Variants in PTPRN2 observed in about 807,000 individuals in gnomAD.
PTPRN2 encodes the protein protein tyrosine phosphatase receptor type N2.
PTPRN2 carries 74 observed loss-of-function variants against 118.8 expected under a neutral mutation model. The observed-to-expected ratio is 0.62, with a 90% CI of 0.52 to 0.76. The LOEUF is 0.76. Ranked by LOEUF, PTPRN2 falls within the 30% of genes least tolerant of loss-of-function variation. The probability of loss-of-function intolerance (pLI) is 0.00; values close to 1 mark genes in which losing one functional copy is unlikely to be tolerated. For synonymous variants in PTPRN2, 641 were observed against 608.0 expected (o/e 1.05, Z -0.80); for missense variants, 1,481 against 1,394.4 (o/e 1.06, Z -0.99).
chr7:158,341,235 C>A (rs1238579975), intron 2 of PTPRN2, among the ~76,000 whole-genome samples: 150 of 151,022 alleles, frequency 9.9e-4, no homozygotes, highest in African/African-American at 3.3e-3. Context: ...CACACTCTCA[C>A]CATAATTGGT....
rs147329222 is a variant in PTPRN2 at position 157,978,283 on chromosome 7, C to T, written c.1724-79546G>A. On this transcript the variant is annotated intron_variant, in intron 11 of 22. Transcript: ENST00000389418. Reference sequence around the variant, plus strand: ...TCCCGTGTGGTGCTGCCGCCATCTCCGCCGTCAGGAGTGGCTTTGCAAAGA... The same window carrying T: ...TCCCGTGTGGTGCTGCCGCCATCTCTGCCGTCAGGAGTGGCTTTGCAAAGA... Among the ~76,000 whole-genome samples the T allele has an allele frequency of 1.5e-3, 228 of 152,096 alleles. 1 individual carries two copies. Among genetic ancestry groups the T allele is most frequent in the African/African-American group, 5.0e-3 (209 of 41,554 alleles).
intron 10 of PTPRN2, among the ~76,000 whole-genome samples, chr7:158,082,191 G>A (rs574450910): frequency 1.3e-5 from 2 of 152,306 alleles, no homozygotes; most frequent in Admixed American, 1.3e-4. Flanking sequence ...AGCTAAGACT[G>A]TTGCTTCCTG....
intron 12 of PTPRN2, among the ~76,000 whole-genome samples, chr7:157,851,374 T>C (rs1809262456): frequency 6.6e-6 from 1 of 151,250 alleles, no homozygotes; most frequent in Non-Finnish European, 1.5e-5. Context: ...TGAATAAAAA[T>C]GCGCTTTCTT....
chr7:158,195,029 G>A (rs1182353319), intron 4 of PTPRN2, among the ~76,000 whole-genome samples: 2 of 152,144 alleles, frequency 1.3e-5, no homozygotes, highest in Non-Finnish European at 2.9e-5. Flanking sequence ...ACCATCTATC[G>A]GTGGATGCAG....
At chr7:158,340,384 C>A (rs1338370450) in intron 2 of PTPRN2, among the ~76,000 whole-genome samples, 2 of 93,600 alleles carry the variant, frequency 2.1e-5, no homozygotes, top group Non-Finnish European at 4.6e-5. Flanking sequence ...CACCCATACT[C>A]TCACCATAAG....
intron 12 of PTPRN2, among the ~76,000 whole-genome samples, chr7:157,871,812 C>CA: frequency 6.6e-6 from 1 of 151,344 alleles, no homozygotes; most frequent in East Asian, 2.0e-4. Flanking sequence ...CACACACCCA[C>CA]AAAAATGCAC....
chr7:157,720,498 G>C (rs982867641), intron 12 of PTPRN2, among the ~76,000 whole-genome samples: 1 of 152,240 alleles, frequency 6.6e-6, no homozygotes, highest in South Asian at 2.1e-4. Flanking sequence ...CTGCACAGCC[G>C]GGTGATCCAG....
chr7:157,730,286 G>A (rs374451484), intron 12 of PTPRN2, among the ~76,000 whole-genome samples: 7 of 152,230 alleles, frequency 4.6e-5, no homozygotes, highest in Admixed American at 6.5e-5. Flanking sequence ...TTTAAGGCTC[G>A]TCTTCTACGC....
chr7:158,553,443 T>A (rs1826791143), intron 1 of PTPRN2, among the ~76,000 whole-genome samples: 1 of 151,540 alleles, frequency 6.6e-6, no homozygotes, highest in Non-Finnish European at 1.5e-5. Context: ...CCACCCTCCT[T>A]GTCTACACAC....
At chr7:157,761,793 C>G (rs6459810) in intron 12 of PTPRN2, among the ~76,000 whole-genome samples, 1 of 149,156 alleles carries the variant, frequency 6.7e-6, no homozygotes, top group Non-Finnish European at 1.5e-5. Context: ...CAAAAGAAAC[C>G]GCCATCAGAG....
chr7:158,271,470 C>A (rs1798511700), intron 3 of PTPRN2, among the ~76,000 whole-genome samples: 1 of 152,214 alleles, frequency 6.6e-6, no homozygotes, highest in South Asian at 2.1e-4. Context: ...TCATCAGGGT[C>A]CTTCCCAAAA....
At chr7:157,781,294 G>A (rs1315234949) in intron 12 of PTPRN2, among the ~76,000 whole-genome samples, 1 of 152,124 alleles carries the variant, frequency 6.6e-6, no homozygotes, top group Non-Finnish European at 1.5e-5. Context: ...CTACATTACC[G>A]CCTGGACATG....
At chr7:157,541,434 C>T (rs1004651508) in intron 22 of PTPRN2, among the ~76,000 whole-genome samples, 1 of 152,228 alleles carries the variant, frequency 6.6e-6, no homozygotes, top group Non-Finnish European at 1.5e-5. Flanking sequence ...GACAGCCTGC[C>T]GAGAGCATCC....
intron 9 of PTPRN2, among the ~76,000 whole-genome samples, chr7:158,115,575 G>C (rs147617744): frequency 6.6e-6 from 1 of 152,226 alleles, no homozygotes; most frequent in East Asian, 1.9e-4. Context: ...CTCCTAATGA[G>C]ATCAGTGCCC....
At position 157,987,026 on chromosome 7, in the gene PTPRN2, T is replaced by C. The variant is rs560537267; in HGVS notation, c.1724-88289A>G. Among the ~76,000 whole-genome samples, 45 of 152,272 alleles carry C rather than the reference T, an allele frequency of 3.0e-4. No individual in the cohort carries two copies. The highest frequency in any genetic ancestry group is 1.0e-3 in the African/African-American group (43 of 41,548). On this transcript the variant is annotated intron_variant, in intron 11 of 22. Transcript: ENST00000389418. The surrounding 1 kb of genome is among the most constrained non-coding windows in gnomAD (Gnocchi z 4.3). ...CCCGCTTTAGGATATAACGGGTTCA[T>C]GCACTGGAGTAGCTGCCGGTACACA...
intron 8 of PTPRN2, among the ~76,000 whole-genome samples, chr7:158,135,954 A>G (rs897079315): frequency 7.9e-5 from 12 of 152,218 alleles, no homozygotes; most frequent in African/African-American, 2.9e-4. Flanking sequence ...ATTCACGACC[A>G]AAGGTTCTTA....
At chr7:157,636,428 C>T (rs968278568) in intron 14 of PTPRN2, among the ~76,000 whole-genome samples, 2 of 152,182 alleles carry the variant, frequency 1.3e-5, no homozygotes, top group African/African-American at 4.8e-5. Flanking sequence ...ACAACAACAA[C>T]AATTGACAGT....
intron 12 of PTPRN2, among the ~76,000 whole-genome samples, chr7:157,798,964 C>A (rs556279974): frequency 6.6e-6 from 1 of 152,304 alleles, no homozygotes; most frequent in East Asian, 1.9e-4. Context: ...GGAGAGGAGA[C>A]CCCCGTGCCA....
intron 2 of PTPRN2, among the ~76,000 whole-genome samples, chr7:158,393,323 C>T (rs944144620): frequency 3.9e-5 from 6 of 152,216 alleles, no homozygotes; most frequent in East Asian, 3.8e-4. Context: ...CGCTCTGCCA[C>T]GAACACTGAA....
Sources: allele counts gnomAD v4.1 joint callset (sites outside exome capture counted in the v4.1 genomes callset), GRCh38; gene constraint gnomAD v4.1.1; non-coding constraint Gnocchi (gnomAD v3.1); transcripts MANE v1.5; gene names NCBI Gene and HGNC (gene_info 2026-07-23, HGNC 2026-07-21).